SIPA1L3: variants seen among roughly 807,000 people sequenced by gnomAD.
SIPA1L3 encodes signal-induced proliferation-associated 1-like protein 3.
SIPA1L3 carries 59 observed loss-of-function variants against 150.1 expected under a neutral mutation model. The ratio of observed to expected loss-of-function variants is 0.39; its 90% CI spans 0.32 to 0.49. The LOEUF (loss-of-function observed/expected upper bound fraction) is 0.49, where lower values mean the gene tolerates loss of function less well. Ranked by LOEUF, SIPA1L3 falls within the 20% of genes least tolerant of loss-of-function variation. SIPA1L3 has a pLI of 0.86. For synonymous variants in SIPA1L3, 1,070 were observed against 1,077.6 expected, an observed-to-expected ratio of 0.99 and a Z score of 0.14; for missense variants, 2,211 against 2,489.5, an observed-to-expected ratio of 0.89 and a Z score of 2.38.
intron 10 of SIPA1L3, among the ~76,000 whole-genome samples, chr19:38,134,403 CAAAAAAAA>C (rs1175309814): frequency 1.6e-5 from 1 of 64,042 alleles, no homozygotes; most frequent in Non-Finnish European, 2.9e-5. Context: ...CAAGCTTTCT[CAAAAAAAA>C]AAAAAAAAAA....
chr19:37,974,195 A>G (rs1156720365), intron 1 of SIPA1L3, among the ~76,000 whole-genome samples: 2 of 152,126 alleles, frequency 1.3e-5, no homozygotes, highest in East Asian at 3.9e-4. Flanking sequence ...CCTGATGTGT[A>G]GGGACTCATC....
At chr19:38,110,701 CCTGGCTGGAT>C (rs1233330461) in intron 8 of SIPA1L3, among the ~76,000 whole-genome samples, 1 of 152,188 alleles carries the variant, frequency 6.6e-6, no homozygotes, top group Non-Finnish European at 1.5e-5. Context: ...CACCTTTAGG[CCTGGCTGGAT>C]CTGCCACCGC....
At chr19:37,919,705 C>CTTTTTTTT (rs10644508) in intron 1 of SIPA1L3, among the ~76,000 whole-genome samples, 8 of 84,256 alleles carry the variant, frequency 9.5e-5, no homozygotes, top group African/African-American at 2.0e-4. Flanking sequence ...GGCCCTGAGG[C>CTTTTTTTT]TTTTTTTTTT....
rs145565380 is a variant in SIPA1L3, at chr19:38,202,535, C to T, written c.5120+538C>T. Among the ~76,000 whole-genome samples the T allele has an allele frequency of 5.8e-3, 878 of 152,122 alleles. 8 individuals are homozygous for T. Among genetic ancestry groups the T allele is most frequent in the African/African-American group, 0.02 (829 of 41,494 alleles). ...CCCGGGAGGCGAAGCTTGCAGTGAG[C>T]CAAGATCGAGCCACTGCACTCCAGC... On this transcript the variant is annotated intron_variant, in intron 20 of 21. Transcript: ENST00000222345.
chr19:38,136,924 C>G (rs993099449), intron 10 of SIPA1L3, among the ~76,000 whole-genome samples: 4 of 152,214 alleles, frequency 2.6e-5, no homozygotes, highest in Non-Finnish European at 5.9e-5. Flanking sequence ...GTGGGAAAAG[C>G]AGGTAAACTG....
chr19:38,038,260 A>G (rs1968834482), intron 2 of SIPA1L3, among the ~76,000 whole-genome samples: 1 of 152,142 alleles, frequency 6.6e-6, no homozygotes, highest in South Asian at 2.1e-4. Context: ...GAGCAGACAC[A>G]CACAGATGTC....
At chr19:37,940,773 G>A (rs2046647204) in intron 1 of SIPA1L3, among the ~76,000 whole-genome samples, 1 of 143,110 alleles carries the variant, frequency 7.0e-6, no homozygotes, top group Admixed American at 6.9e-5. Context: ...GTAGAGACAG[G>A]GTTTCACCAT....
chr19:38,182,860 T>A, intron 16 of SIPA1L3, 120 bp downstream of exon 16: 1 of 742,010 alleles, frequency 1.3e-6, no homozygotes. Flanking sequence ...AGTGTACCAG[T>A]GTACACACTG....
chr19:38,081,335 C>G lies in SIPA1L3; in HGVS notation c.-231C>G, dbSNP rs113113477. ...GCCTGCTCTGCGCTACTGAGCCACT[C>G]GGTCTGGAGCCCCCAGGACAGCACC... On this transcript the variant is annotated 5_prime_UTR_variant, in exon 3 of 22. Coordinates refer to ENST00000222345, the MANE Select transcript of SIPA1L3 (RefSeq NM_015073.3). 3.8e-5 allele frequency: 19 copies of G among 505,994 alleles called. No homozygotes were observed. In the East Asian group the frequency reaches 5.0e-4, roughly 13 times the overall value. The allele number at this position is 505,994 out of a possible 1,614,324, so 31.3% of individuals were successfully genotyped here. A position where few individuals can be genotyped will look rare whatever the true frequency, so the allele number is the denominator to read the frequency against.
Position 37,990,797 on chromosome 19 carries a change from A to G in SIPA1L3, c.-378-38292A>G, listed in dbSNP as rs1274845186. ...ACCACTGGTACCAACAACAGCAGAC[A>G]CGCTCAGTGCCAGGCCGTATTCCGA... On this transcript the variant is annotated intron_variant, in intron 1 of 21. Coordinates refer to ENST00000222345, the MANE Select transcript of SIPA1L3 (RefSeq NM_015073.3). Among the ~76,000 whole-genome samples the G allele has an allele frequency of 2.0e-5, 3 of 152,228 alleles. No individual in the cohort carries two copies. In the East Asian group the frequency reaches 5.8e-4, roughly 29 times the overall value.
chr19:38,110,404 C>T lies in SIPA1L3; in HGVS notation c.2291+20C>T, dbSNP rs1970712519. ...TTACAGGTATGCCCCCCACACCCGG[C>T]CCCCAGCAGCGTATGGAGAGAGGGG... On this transcript the variant is annotated intron_variant, in intron 8 of 21. Coordinates refer to ENST00000222345, the MANE Select transcript of SIPA1L3 (RefSeq NM_015073.3). 1 of 1,602,322 alleles carries T rather than the reference C, an allele frequency of 6.2e-7. No homozygotes were observed. Among genetic ancestry groups the T allele is most frequent in the Admixed American group, 1.7e-5 (1 of 59,686 alleles).
At chr19:38,097,659 C>T (rs113522118) in intron 4 of SIPA1L3, among the ~76,000 whole-genome samples, 13,433 of 152,224 alleles carry the variant, frequency 0.088, 758 homozygotes, top group Middle Eastern at 0.14. Context: ...TGGGTTCAAG[C>T]GATTCTTCTG....
chr19:38,163,207 G>A (rs1362981620), intron 14 of SIPA1L3, among the ~76,000 whole-genome samples: 8 of 152,110 alleles, frequency 5.3e-5, no homozygotes, highest in Admixed American at 1.3e-4. Context: ...GAAAAAGTGC[G>A]GGCTGGGCGC....
At chr19:38,126,860 A>T (rs1481320441) in intron 9 of SIPA1L3, among the ~76,000 whole-genome samples, 2 of 152,038 alleles carry the variant, frequency 1.3e-5, no homozygotes, top group African/African-American at 2.4e-5. Context: ...AATTATAGAA[A>T]ATTGCAAGCA....
intron 10 of SIPA1L3, among the ~76,000 whole-genome samples, chr19:38,135,320 T>C (rs548345851): frequency 7.3e-4 from 111 of 152,202 alleles, no homozygotes; most frequent in African/African-American, 2.6e-3. Context: ...AGGACTCCAG[T>C]CATGCCCCGG....
chr19:38,024,698 C>CTCT (rs1396406469), intron 1 of SIPA1L3, among the ~76,000 whole-genome samples: 3 of 152,172 alleles, frequency 2.0e-5, no homozygotes, highest in African/African-American at 7.2e-5. Context: ...ATCTTTGAGA[C>CTCT]AGGCAGTATT....
At chr19:38,202,463 C>T (rs1295871058) in intron 20 of SIPA1L3, among the ~76,000 whole-genome samples, 2 of 152,072 alleles carry the variant, frequency 1.3e-5, no homozygotes, top group Non-Finnish European at 2.9e-5. Flanking sequence ...TGGTGCGTGC[C>T]TGTAATCCCA....
At chr19:38,171,483 C>G (rs929575301) in intron 15 of SIPA1L3, among the ~76,000 whole-genome samples, 76 of 150,140 alleles carry the variant, frequency 5.1e-4, no homozygotes, top group Middle Eastern at 3.6e-3. Flanking sequence ...ACCTCTGCCT[C>G]CCAGGTTCAA....
intron 12 of SIPA1L3, among the ~76,000 whole-genome samples, chr19:38,148,293 G>A (rs190656300): frequency 6.6e-6 from 1 of 151,790 alleles, no homozygotes; most frequent in Non-Finnish European, 1.5e-5. Flanking sequence ...GGAGGTTGCA[G>A]TGAGCTGAGA....
Sources: allele counts gnomAD v4.1 joint callset (sites outside exome capture counted in the v4.1 genomes callset), GRCh38; gene constraint gnomAD v4.1.1; transcripts MANE v1.5; gene names NCBI Gene and HGNC (gene_info 2026-07-23, HGNC 2026-07-21).